Variants in GARIN5B observed in about 807,000 individuals in gnomAD.
GARIN5B encodes the protein Golgi-associated RAB2 interactor protein 5B.
At chr19:55,358,337 G>T in the GARIN5B span, 59 of 1,528,884 alleles carry the variant, frequency 3.9e-5, no homozygotes, top group Non-Finnish European at 4.9e-5. Context: ...GGACGCCCTG[G>T]CTGTGGCCTC....
chr19:55,361,796 C>T, the GARIN5B span, among the ~76,000 whole-genome samples: 389 of 102,814 alleles, frequency 3.8e-3, 2 homozygotes, highest in African/African-American at 0.017. Flanking sequence ...CACAGCCCCT[C>T]CTCCCTCAGA....
chr19:55,359,726 C>A, the GARIN5B span: 7 of 1,551,250 alleles, frequency 4.5e-6, no homozygotes, highest in Non-Finnish European at 8.7e-7. Context: ...CTTTTCCCTG[C>A]CCCTGGGGAT....
At chr19:55,359,810 C>T in the GARIN5B span, 1 of 1,551,432 alleles carries the variant, frequency 6.4e-7, no homozygotes. Flanking sequence ...CGACAAAGTG[C>T]TGCCCCCAGA....
At chr19:55,360,948 G>T in the GARIN5B span, 13 of 1,545,100 alleles carry the variant, frequency 8.4e-6, no homozygotes, top group Non-Finnish European at 1.1e-5. Context: ...ATCTGGGCTG[G>T]GGTCTCCCAC....
At chr19:55,361,636 A>C in the GARIN5B span, among the ~76,000 whole-genome samples, 2 of 63,402 alleles carry the variant, frequency 3.2e-5, no homozygotes, top group Non-Finnish European at 4.5e-5. Flanking sequence ...CAGACCCAGG[A>C]GTCCAGGGCC....
the GARIN5B span, chr19:55,355,043 G>A: frequency 3.5e-6 from 1 of 283,006 alleles, no homozygotes; most frequent in Non-Finnish European, 6.7e-6. Flanking sequence ...ATCCCCCCAA[G>A]CGGCTTTCAA....
chr19:55,361,044 C>A, the GARIN5B span: 13 of 1,550,916 alleles, frequency 8.4e-6, no homozygotes, highest in South Asian at 1.2e-5. Context: ...GCTCCAGCTG[C>A]GACCAGATGA....
the GARIN5B span, chr19:55,360,667 G>A: frequency 3.2e-6 from 5 of 1,547,626 alleles, no homozygotes; most frequent in African/African-American, 1.4e-5. Context: ...CTGGGGCCTG[G>A]GCCCTGCCCC....
At chr19:55,360,819 C>T in the GARIN5B span, 1 of 1,550,844 alleles carries the variant, frequency 6.4e-7, no homozygotes, top group South Asian at 1.2e-5. Flanking sequence ...CAGAGCCACA[C>T]ACTGTGGCAA....
the GARIN5B span, chr19:55,360,774 A>G: frequency 5.2e-6 from 8 of 1,551,664 alleles, no homozygotes; most frequent in Non-Finnish European, 7.0e-6. Context: ...TCTTCTCTGG[A>G]TGGGGGAGCC....
the GARIN5B span, chr19:55,360,671 C>A: frequency 6.5e-7 from 1 of 1,550,298 alleles, no homozygotes; most frequent in African/African-American, 1.4e-5. Flanking sequence ...GGCCTGGGCC[C>A]TGCCCCGGGT....
the GARIN5B span, chr19:55,359,073 C>T: frequency 9.0e-6 from 14 of 1,551,230 alleles, no homozygotes; most frequent in African/African-American, 2.7e-5. Flanking sequence ...ATCTCCACCA[C>T]GTCTGTCTCC....
chr19:55,363,226 C>T, the GARIN5B span: 205 of 690,882 alleles, frequency 3.0e-4, no homozygotes, highest in Non-Finnish European at 4.1e-4. This position sits in a 1 kb window ranked among gnomAD's most constrained non-coding sequence, Gnocchi z 4.0. Flanking sequence ...CTCGGGCCTC[C>T]GCCATGGCCC....
At chr19:55,359,625 G>A in the GARIN5B span, 1 of 1,550,820 alleles carries the variant, frequency 6.4e-7, no homozygotes, top group Non-Finnish European at 8.7e-7. Flanking sequence ...TGGTCAACAA[G>A]GAACGGTGCC....
At chr19:55,358,932 C>T in the GARIN5B span, 1 of 1,551,148 alleles carries the variant, frequency 6.4e-7, no homozygotes, top group Non-Finnish European at 8.7e-7. Flanking sequence ...GCCCAGTGGG[C>T]CCAGTCCTCC....
chr19:55,358,890 C>A, the GARIN5B span: 1 of 1,550,258 alleles, frequency 6.5e-7, no homozygotes. Flanking sequence ...GATCTCACGC[C>A]AGGCAGGTCC....
At chr19:55,358,869 C>G in the GARIN5B span, 22 of 1,548,702 alleles carry the variant, frequency 1.4e-5, no homozygotes, top group Non-Finnish European at 1.9e-5. Context: ...TTCCGCTGCT[C>G]CAACTCCTTG....
At chr19:55,359,045 G>A in the GARIN5B span, 7 of 1,551,374 alleles carry the variant, frequency 4.5e-6, no homozygotes, top group African/African-American at 5.5e-5. Flanking sequence ...CGACTCCGGG[G>A]ACTTGGCCTG....
At chr19:55,362,244 C>A in the GARIN5B span, 1 of 1,528,236 alleles carries the variant, frequency 6.5e-7, no homozygotes, top group Non-Finnish European at 8.8e-7. Context: ...TGGGATCCCA[C>A]CTGCAGGTGC....
Sources: gnomAD v4.1 joint callset for allele counts (sites outside exome capture counted in the v4.1 genomes callset) on GRCh38, gnomAD v4.1.1 for gene constraint, Gnocchi (gnomAD v3.1) non-coding constraint, MANE v1.5 for transcripts, NCBI Gene and HGNC (gene_info 2026-07-23, HGNC 2026-07-21) for gene names.